The following RPTOR variants were observed in gnomAD, a reference collection of about 807,000 sequenced individuals.
RPTOR encodes the protein regulatory-associated protein of mTOR.
In RPTOR, 21 loss-of-function variants were observed where a neutral mutation model predicts 169.9. The ratio of observed to expected loss-of-function variants is 0.12; its 90% confidence interval spans 0.09 to 0.18. RPTOR has a LOEUF of 0.18. Among genes scored for constraint, RPTOR ranks in the 10% least tolerant of loss-of-function variants. The probability of loss-of-function intolerance (pLI) is 1.00; values close to 1 mark genes in which losing one functional copy is unlikely to be tolerated. For synonymous variants in RPTOR, 732 were observed against 753.2 expected (o/e 0.97, Z 0.46); for missense variants, 1,133 against 1,855.9 (o/e 0.61, Z 7.16).
In RPTOR at chr17:80,609,773, T is replaced by TGTG. The variant is rs2065257084; in HGVS notation, c.163-15918_163-15917insGTG. Among the ~76,000 whole-genome samples, 5 of 143,252 alleles carry TGTG rather than the reference T, an allele frequency of 3.5e-5. No homozygotes were observed. Among genetic ancestry groups the TGTG allele is most frequent in the Admixed American group, 6.9e-5 (1 of 14,436 alleles). The allele number at this position is 143,252 out of a possible 152,430, so 94.0% of individuals were successfully genotyped here. A position where few individuals can be genotyped will look rare whatever the true frequency, so the allele number is the denominator to read the frequency against. On this transcript the variant is annotated intron_variant, in intron 1 of 33. Coordinates refer to ENST00000306801, the MANE Select transcript of RPTOR (RefSeq NM_020761.3). The surrounding 1 kb of genome is among the most constrained non-coding windows in gnomAD (Gnocchi z 4.8). ...AAAAAAAAAAAGTTTAAGGTGTTGG[T>TGTG]TGTGTGTGTGTGTGTGTGTGTGTGT... is the stretch of plus-strand genomic sequence containing the variant.
intron 13 of RPTOR, among the ~76,000 whole-genome samples, chr17:80,864,325 A>AG (rs1448181324): frequency 3.9e-5 from 5 of 129,302 alleles, no homozygotes; most frequent in Non-Finnish European, 8.3e-5. Flanking sequence ...GGTGAGAGTG[A>AG]CGGCAGGTTT....
intron 3 of RPTOR, among the ~76,000 whole-genome samples, chr17:80,698,075 G>A (rs1026735723): frequency 5.0e-5 from 7 of 141,256 alleles, no homozygotes; most frequent in Admixed American, 2.8e-4. Flanking sequence ...AGACGGGTGG[G>A]TGCGGGGCAA....
intron 1 of RPTOR, among the ~76,000 whole-genome samples, chr17:80,616,965 G>T (rs77542417): frequency 6.6e-6 from 1 of 152,086 alleles, no homozygotes; most frequent in Non-Finnish European, 1.5e-5. Flanking sequence ...AGCTGACTGC[G>T]CAGGTTATTT....
intron 24 of RPTOR, among the ~76,000 whole-genome samples, chr17:80,930,454 C>A: frequency 7.2e-6 from 1 of 138,232 alleles, no homozygotes; most frequent in Non-Finnish European, 1.6e-5. Flanking sequence ...ATCCTCAGCT[C>A]ATCCCCAGCT....
intron 6 of RPTOR, among the ~76,000 whole-genome samples, chr17:80,773,293 G>A (rs914142668): frequency 1.3e-5 from 2 of 152,226 alleles, no homozygotes; most frequent in Non-Finnish European, 2.9e-5. Context: ...AGCTAGTGGG[G>A]ACTTCTCTGT....
intron 28 of RPTOR, among the ~76,000 whole-genome samples, chr17:80,951,109 A>AC (rs1233133691): frequency 6.9e-6 from 1 of 144,440 alleles, no homozygotes; most frequent in African/African-American, 2.6e-5. Context: ...GGTCCCTGAG[A>AC]CCCCCCGGAA....
At chr17:80,766,580 C>T (rs139410256) in intron 6 of RPTOR, among the ~76,000 whole-genome samples, 1,726 of 152,272 alleles carry the variant, frequency 0.011, 20 homozygotes, top group Non-Finnish European at 0.018. Context: ...AAGTAACATA[C>T]CTGTTTAGTT....
intron 21 of RPTOR, among the ~76,000 whole-genome samples, chr17:80,917,093 T>G (rs1403742042): frequency 5.3e-5 from 8 of 151,348 alleles, no homozygotes; most frequent in Non-Finnish European, 5.9e-5. Flanking sequence ...TTTCGTAGCA[T>G]GAGTTACTTA....
At chr17:80,702,438 G>A (rs532986149) in intron 3 of RPTOR, among the ~76,000 whole-genome samples, 2 of 152,186 alleles carry the variant, frequency 1.3e-5, no homozygotes, top group Admixed American at 6.5e-5. Context: ...TAACTCCCCC[G>A]GATGATCAGA....
At chr17:80,666,251 T>C (rs551313429) in intron 3 of RPTOR, among the ~76,000 whole-genome samples, 1 of 152,304 alleles carries the variant, frequency 6.6e-6, no homozygotes, top group African/African-American at 2.4e-5. Context: ...CAAAGTTGGT[T>C]TGCCAAAATA....
chr17:80,903,385 C>G (rs137866034), intron 20 of RPTOR, among the ~76,000 whole-genome samples: 143 of 152,344 alleles, frequency 9.4e-4, no homozygotes, highest in African/African-American at 2.9e-3. Flanking sequence ...AGACCCGAGC[C>G]CAGAAACTGG....
At chr17:80,766,551 TCCAGA>T (rs2066789417) in intron 6 of RPTOR, among the ~76,000 whole-genome samples, 1 of 152,172 alleles carries the variant, frequency 6.6e-6, no homozygotes, top group Admixed American at 6.5e-5. Flanking sequence ...ATATCTGGGG[TCCAGA>T]AGCATCTTAC....
intron 20 of RPTOR, among the ~76,000 whole-genome samples, chr17:80,907,547 G>A (rs1389888519): frequency 6.6e-6 from 1 of 152,246 alleles, no homozygotes; most frequent in Non-Finnish European, 1.5e-5. Context: ...AGCGTGGCGT[G>A]GACAACAGTT....
At chr17:80,949,065 C>G (rs1327460674) in intron 27 of RPTOR, among the ~76,000 whole-genome samples, 2 of 152,122 alleles carry the variant, frequency 1.3e-5, no homozygotes, top group African/African-American at 4.8e-5. Flanking sequence ...TAAAACGCAG[C>G]CCCACCCACC....
chr17:80,883,326 G>A (rs2068206644), intron 14 of RPTOR, 93 bp from the exon 15 acceptor site: 7 of 1,111,882 alleles, frequency 6.3e-6, no homozygotes, highest in African/African-American at 1.5e-5. Flanking sequence ...CGCCACGCGT[G>A]TCATGAAGAT....
At chr17:80,675,040 G>A (rs2065852461) in intron 3 of RPTOR, among the ~76,000 whole-genome samples, 1 of 152,182 alleles carries the variant, frequency 6.6e-6, no homozygotes, top group Non-Finnish European at 1.5e-5. Context: ...CTGTGAGAGT[G>A]TTGGAGATTT....
chr17:80,582,763 C>G (rs955629800), intron 1 of RPTOR, among the ~76,000 whole-genome samples: 20 of 151,648 alleles, frequency 1.3e-4, no homozygotes, highest in Admixed American at 3.9e-4. Context: ...CCAGGATGGT[C>G]TCGATCTCTT....
chr17:80,922,605 C>T, intron 21 of RPTOR, 119 bp from the exon 22 acceptor site: 2 of 817,300 alleles, frequency 2.4e-6, no homozygotes, highest in Admixed American at 4.7e-5. Context: ...TTGGTGCTTC[C>T]TCGGCCAAAG....
intron 1 of RPTOR, among the ~76,000 whole-genome samples, chr17:80,574,338 G>C (rs1232006971): frequency 6.7e-6 from 1 of 149,082 alleles, no homozygotes; most frequent in East Asian, 2.0e-4. Context: ...CTAATTTTTT[G>C]TATTTTTTTA....
Sources: gnomAD v4.1 joint callset for allele counts (sites outside exome capture counted in the v4.1 genomes callset) on GRCh38, gnomAD v4.1.1 for gene constraint, Gnocchi (gnomAD v3.1) non-coding constraint, MANE v1.5 for transcripts, NCBI Gene and HGNC (gene_info 2026-07-23, HGNC 2026-07-21) for gene names.